Variants in USP7 observed in about 807,000 individuals in gnomAD.
USP7 encodes ubiquitin specific peptidase 7.
USP7 carries 9 observed loss-of-function variants against 162.9 expected under a neutral mutation model. That is an observed-to-expected ratio of 0.06 (90% CI 0.03 to 0.10). The LOEUF is 0.10. Among genes scored for constraint, USP7 ranks in the 10% least tolerant of loss-of-function variants. The pLI, the probability that USP7 is intolerant of heterozygous loss-of-function variation, is 1.00. For missense variants in USP7, 715 were observed against 1,373.7 expected, an observed-to-expected ratio of 0.52 and a Z score of 7.58; for synonymous variants, 562 against 475.9, an observed-to-expected ratio of 1.18 and a Z score of -2.35.
intron 2 of USP7, among the ~76,000 whole-genome samples, chr16:8,928,621 G>A (rs1444935575): frequency 2.0e-5 from 3 of 152,034 alleles, no homozygotes; most frequent in African/African-American, 4.8e-5. Context: ...TCCCTCCCAC[G>A]CACTTTGCCA....
chr16:8,963,135 G>T (rs1900088521), intron 1 of USP7, 72 bp downstream of exon 1: 2 of 1,291,334 alleles, frequency 1.5e-6, no homozygotes, highest in Admixed American at 6.8e-5. Context: ...CCCCTCGCGT[G>T]GCTCCCGCGG....
At chr16:8,959,141 A>C (rs1258952154) in intron 1 of USP7, among the ~76,000 whole-genome samples, 1 of 152,176 alleles carries the variant, frequency 6.6e-6, no homozygotes. Context: ...GTCTCACAAC[A>C]ACCTTGACGG....
intron 1 of USP7, among the ~76,000 whole-genome samples, chr16:8,957,264 T>C (rs1899846834): frequency 6.6e-6 from 1 of 152,210 alleles, no homozygotes; most frequent in Admixed American, 6.5e-5. Context: ...AAACCCTGCT[T>C]CCTCCAACTT....
intron 2 of USP7, 146 bp downstream of exon 2, chr16:8,930,147 C>G (rs1179922486): frequency 3.6e-6 from 2 of 558,510 alleles, no homozygotes; most frequent in Non-Finnish European, 6.2e-6. Flanking sequence ...AAAACCCAAA[C>G]AGGATTTTCC....
At position 8,937,019 on chromosome 16, in the gene USP7, T is replaced by C. The variant is rs563650314; in HGVS notation, c.80-6622A>G. 9.2e-5 allele frequency among the ~76,000 whole-genome samples: 14 copies of C among 152,194 alleles called. No homozygotes were observed. The East Asian group carries it at 2.5e-3, about 27-fold the overall frequency. On this transcript the variant is annotated intron_variant, in intron 1 of 30. Coordinates refer to ENST00000344836, the MANE Select transcript of USP7 (RefSeq NM_003470.3). The stretch of plus-strand genomic sequence containing the variant: ...TTGCAACTTTTCTGTACATCTAGAA[T>C]TACTCCAAAATTAAAAGCTAATTTT...
chr16:8,921,381 A>C (rs1302663672), intron 3 of USP7, 86 bp from the exon 4 acceptor site: 5 of 1,469,594 alleles, frequency 3.4e-6, no homozygotes, highest in Non-Finnish European at 4.6e-6. Context: ...AGCACACCAA[A>C]ATTCCCATTT....
intron 2 of USP7, among the ~76,000 whole-genome samples, chr16:8,925,987 T>C (rs1379907655): frequency 6.6e-6 from 1 of 151,306 alleles, no homozygotes; most frequent in Non-Finnish European, 1.5e-5. Context: ...ACTCCATCTC[T>C]ACCAAAACTA....
At chr16:8,925,289 C>T (rs1951692700) in intron 2 of USP7, among the ~76,000 whole-genome samples, 1 of 152,182 alleles carries the variant, frequency 6.6e-6, no homozygotes, top group African/African-American at 2.4e-5. Context: ...ATAACACACA[C>T]AAAACACAGG....
chr16:8,902,619 G>A (rs1192547479), intron 16 of USP7, 137 bp from the exon 17 acceptor site: 1 of 765,330 alleles, frequency 1.3e-6, no homozygotes, highest in Admixed American at 3.2e-5. Flanking sequence ...GCCAGGTGCT[G>A]TGGCTCTCGC....
At chr16:8,901,868 C>A in intron 18 of USP7, 1 of 575,862 alleles carries the variant, frequency 1.7e-6, no homozygotes, top group Non-Finnish European at 3.1e-6. Flanking sequence ...AACAGGACGG[C>A]CCCACGTGGC....
intron 25 of USP7, 27 bp downstream of exon 25, chr16:8,898,333 A>G: frequency 6.5e-7 from 1 of 1,535,516 alleles, no homozygotes; most frequent in Non-Finnish European, 8.9e-7. Flanking sequence ...AATAAAAATT[A>G]AAATTCATAG....
intron 8 of USP7, 143 bp downstream of exon 8, chr16:8,916,359 G>A (rs1307412133): frequency 2.5e-6 from 2 of 785,802 alleles, no homozygotes; most frequent in Middle Eastern, 3.4e-4. Context: ...CTAGACATCT[G>A]CTGCCTTTTT....
chr16:8,894,987 TC>T, intron 28 of USP7, 43 bp downstream of exon 28: 1 of 1,613,796 alleles, frequency 6.2e-7, no homozygotes, highest in East Asian at 2.2e-5. Context: ...ACTCAAAGGC[TC>T]CAGGTTTTGA....
intron 1 of USP7, among the ~76,000 whole-genome samples, 172 bp from the exon 2 acceptor site, chr16:8,930,569 A>T (rs1020109719): frequency 2.0e-5 from 3 of 152,244 alleles, no homozygotes; most frequent in Non-Finnish European, 4.4e-5. Context: ...TACTACATAC[A>T]AACTTTCGCT....
chr16:8,951,099 G>T (rs908256950), intron 1 of USP7, among the ~76,000 whole-genome samples: 7 of 152,150 alleles, frequency 4.6e-5, no homozygotes, highest in African/African-American at 1.2e-4. Context: ...TACTTTCTTC[G>T]ATCAGTGACT....
rs1262314174 is a variant in USP7, at chr16:8,904,593, C to T, written c.1574-28G>A. The stretch of plus-strand genomic sequence containing the variant: ...GCAGGACAAAGGCATCCTCTTTGAC[C>T]CCTGCAGATGGACTTTCCCCTCTTA... On this transcript the variant is annotated intron_variant, in intron 14 of 30. Transcript: ENST00000344836. 3.7e-6 allele frequency: 6 copies of T among 1,611,242 alleles called. No homozygotes were observed. The South Asian group carries it at 6.6e-5, about 18-fold the overall frequency.
intron 2 of USP7, among the ~76,000 whole-genome samples, chr16:8,927,673 T>C (rs1388163947): frequency 6.6e-6 from 1 of 151,290 alleles, no homozygotes; most frequent in Non-Finnish European, 1.5e-5. Context: ...TCGTCTCTAC[T>C]AAAAATACAA....
intron 25 of USP7, 82 bp downstream of exon 25, chr16:8,898,278 T>TA: frequency 1.7e-6 from 2 of 1,170,166 alleles, no homozygotes; most frequent in Non-Finnish European, 2.5e-6. Flanking sequence ...TGTGGTGTCT[T>TA]AGTTTTCAAT....
chr16:8,931,944 G>C (rs758239294), intron 1 of USP7, among the ~76,000 whole-genome samples: 1 of 152,174 alleles, frequency 6.6e-6, no homozygotes, highest in Non-Finnish European at 1.5e-5. Context: ...GCATACAGGA[G>C]ATGTGCTTTT....
Sources: gnomAD v4.1 joint callset for allele counts (sites outside exome capture counted in the v4.1 genomes callset) on GRCh38, gnomAD v4.1.1 for gene constraint, MANE v1.5 for transcripts, NCBI Gene and HGNC (gene_info 2026-07-23, HGNC 2026-07-21) for gene names.